NEK10: variants seen among roughly 807,000 people sequenced by gnomAD.
NEK10 encodes NIMA related kinase 10, also known as serine/threonine-protein kinase Nek10.
A neutral mutation model predicts 159.8 loss-of-function variants in NEK10; 122 were observed. That is an observed-to-expected ratio of 0.76 (90% CI 0.66 to 0.89). NEK10 has a LOEUF of 0.89. Among genes scored for constraint, NEK10 ranks in the 40% least tolerant of loss-of-function variants. The pLI is 0.00. For synonymous variants in NEK10, 466 were observed against 457.1 expected (o/e 1.02, Z -0.25); for missense variants, 1,342 against 1,323.1 (o/e 1.01, Z -0.22).
intron 7 of NEK10, among the ~76,000 whole-genome samples, chr3:27,313,939 T>C (rs1299372901): frequency 6.6e-6 from 1 of 152,156 alleles, no homozygotes; most frequent in Non-Finnish European, 1.5e-5. Context: ...CTCAAACTCC[T>C]GACCTCAGGT....
At chr3:27,329,603 G>A (rs997788610) in intron 5 of NEK10, among the ~76,000 whole-genome samples, 11 of 152,204 alleles carry the variant, frequency 7.2e-5, no homozygotes, top group Non-Finnish European at 1.3e-4. Context: ...TGGGAAGGTA[G>A]GAACATTTTC....
intron 23 of NEK10, among the ~76,000 whole-genome samples, chr3:27,221,349 A>C (rs1455492438): frequency 6.6e-6 from 1 of 152,216 alleles, no homozygotes; most frequent in East Asian, 1.9e-4. Context: ...GGGCAAAAAC[A>C]AAGTTGTTAA....
chr3:27,217,918 T>C (rs1015777093), intron 23 of NEK10, among the ~76,000 whole-genome samples: 8 of 152,172 alleles, frequency 5.3e-5, no homozygotes, highest in African/African-American at 1.9e-4. Flanking sequence ...AAAGTTTAAT[T>C]AATAAATTAG....
chr3:27,290,524 C>CA, intron 19 of NEK10, 93 bp downstream of exon 19: 1 of 920,926 alleles, frequency 1.1e-6, no homozygotes, highest in Non-Finnish European at 1.6e-6. Flanking sequence ...GGAACTAGTT[C>CA]ATAAGCAGCA....
chr3:27,307,122 G>C (rs1219481418), intron 11 of NEK10, among the ~76,000 whole-genome samples: 1 of 152,056 alleles, frequency 6.6e-6, no homozygotes, highest in Non-Finnish European at 1.5e-5. Context: ...TTCAACACCT[G>C]GTACCAAGCT....
At chr3:27,127,488 A>G (rs1942104598) in intron 32 of NEK10, among the ~76,000 whole-genome samples, 1 of 152,180 alleles carries the variant, frequency 6.6e-6, no homozygotes, top group African/African-American at 2.4e-5. Context: ...ATAGGAGCCT[A>G]TTGTTCCTAT....
chr3:27,278,794 G>A, intron 22 of NEK10: 1 of 985,386 alleles, frequency 1.0e-6, no homozygotes, highest in Non-Finnish European at 1.2e-6. Context: ...TCAAGGGTAA[G>A]TTCAGTTTTA....
intron 23 of NEK10, among the ~76,000 whole-genome samples, chr3:27,253,965 A>G (rs972307605): frequency 6.6e-6 from 1 of 152,076 alleles, no homozygotes; most frequent in East Asian, 1.9e-4. Flanking sequence ...ACGCCCTGGC[A>G]TGCCATAAGC....
intron 30 of NEK10, among the ~76,000 whole-genome samples, chr3:27,149,628 A>T (rs938694603): frequency 6.6e-6 from 1 of 152,106 alleles, no homozygotes; most frequent in Non-Finnish European, 1.5e-5. Flanking sequence ...TGTTGTGTGT[A>T]CTCTGACTGT....
intron 26 of NEK10, among the ~76,000 whole-genome samples, chr3:27,181,268 C>T (rs574065762): frequency 6.2e-4 from 94 of 152,094 alleles, no homozygotes; most frequent in Non-Finnish European, 1.1e-3. Context: ...TTAATACATA[C>T]TTGATATGTC....
chr3:27,188,864 A>G (rs1948858840), intron 26 of NEK10, among the ~76,000 whole-genome samples: 1 of 152,178 alleles, frequency 6.6e-6, no homozygotes, highest in African/African-American at 2.4e-5. Flanking sequence ...AGATATAAGC[A>G]GTAGACTCTT....
chr3:27,172,890 T>C (rs761739483), intron 28 of NEK10, among the ~76,000 whole-genome samples: 7 of 152,278 alleles, frequency 4.6e-5, no homozygotes. Flanking sequence ...AAATGGTAGG[T>C]AGGAAATATT....
intron 30 of NEK10, among the ~76,000 whole-genome samples, chr3:27,159,867 T>C (rs1945845967): frequency 6.6e-6 from 1 of 151,452 alleles, no homozygotes; most frequent in Non-Finnish European, 1.5e-5. Context: ...CTTGGCACTC[T>C]AAAATAATGG....
At chr3:27,223,658 T>A (rs550923758) in intron 23 of NEK10, among the ~76,000 whole-genome samples, 119 of 152,314 alleles carry the variant, frequency 7.8e-4, no homozygotes, top group African/African-American at 2.3e-3. Flanking sequence ...CCAACCTTCC[T>A]GTCTCTGTGT....
intron 23 of NEK10, among the ~76,000 whole-genome samples, chr3:27,213,426 G>A (rs1228616551): frequency 1.3e-5 from 2 of 152,150 alleles, no homozygotes; most frequent in African/African-American, 4.8e-5. Context: ...ATTCTGGTTT[G>A]CCATAATTGG....
rs558339054 is a variant in NEK10, at chr3:27,277,337, C to T, written c.2014+7265G>A. ...TAAATATCCTCATGGTTTAAGCCAT[C>T]GTTAGTCTGGCTTTTTGCACCTGAA... On this transcript the variant is annotated intron_variant, in intron 22 of 35. Coordinates refer to ENST00000691995, the MANE Select transcript of NEK10 (RefSeq NM_001394966.1). Among the ~76,000 whole-genome samples the T allele has an allele frequency of 1.8e-4, 28 of 152,276 alleles. No individual in the cohort carries two copies. The East Asian group carries it at 4.4e-3, about 24-fold the overall frequency.
intron 30 of NEK10, among the ~76,000 whole-genome samples, chr3:27,157,643 C>T (rs1335899665): frequency 1.3e-5 from 2 of 152,140 alleles, no homozygotes; most frequent in Non-Finnish European, 2.9e-5. Flanking sequence ...TTAGAATAGT[C>T]TATAAATTTA....
At chr3:27,118,353 G>A (rs920443438) in intron 33 of NEK10, among the ~76,000 whole-genome samples, 2 of 152,190 alleles carry the variant, frequency 1.3e-5, no homozygotes, top group African/African-American at 4.8e-5. Flanking sequence ...ACACTCCGAT[G>A]CCACCCAAAG....
At chr3:27,297,357 A>G in intron 13 of NEK10, 117 bp from the exon 14 acceptor site, 1 of 651,208 alleles carries the variant, frequency 1.5e-6, no homozygotes, top group Admixed American at 2.5e-5. Context: ...TAGCAAAGTA[A>G]CTTCTCAAGA....
Sources: allele counts gnomAD v4.1 joint callset (sites outside exome capture counted in the v4.1 genomes callset), GRCh38; gene constraint gnomAD v4.1.1; transcripts MANE v1.5; gene names NCBI Gene and HGNC (gene_info 2026-07-23, HGNC 2026-07-21).